Variants in CERS3 observed in about 807,000 individuals in gnomAD.
CERS3 encodes the protein ceramide synthase 3.
In CERS3, 33 loss-of-function variants were observed where a neutral mutation model predicts 50.3. That is an observed-to-expected ratio of 0.66 (90% CI 0.50 to 0.88). The LOEUF (loss-of-function observed/expected upper bound fraction) is 0.88, where lower values mean the gene tolerates loss of function less well. Ranked by LOEUF, CERS3 falls within the 40% of genes least tolerant of loss-of-function variation. The probability of loss-of-function intolerance (pLI) is 0.00; values close to 1 mark genes in which losing one functional copy is unlikely to be tolerated. For missense variants in CERS3, 470 were observed against 460.3 expected (o/e 1.02, Z -0.19); for synonymous variants, 176 against 155.2 (o/e 1.13, Z -0.99).
intron 9 of CERS3, among the ~76,000 whole-genome samples, chr15:100,470,664 A>G (rs1186948071): frequency 1.3e-5 from 2 of 152,186 alleles, no homozygotes; most frequent in East Asian, 3.8e-4. Context: ...CATACACAGA[A>G]CATATTCTGG....
intron 5 of CERS3, among the ~76,000 whole-genome samples, chr15:100,480,469 A>C (rs1195783801): frequency 1.3e-5 from 2 of 152,188 alleles, no homozygotes; most frequent in Non-Finnish European, 2.9e-5. Flanking sequence ...TTTAATTCCC[A>C]GTTAAAAGGT....
chr15:100,472,820 T>C (rs1168211031), intron 9 of CERS3, 104 bp downstream of exon 9: 1 of 1,393,204 alleles, frequency 7.2e-7, no homozygotes, highest in African/African-American at 1.4e-5. Flanking sequence ...TTGGGTGTTT[T>C]CAGGACACAG....
At chr15:100,541,578 C>T (rs1171798171) in intron 1 of CERS3, among the ~76,000 whole-genome samples, 1 of 152,004 alleles carries the variant, frequency 6.6e-6, no homozygotes, top group Non-Finnish European at 1.5e-5. Flanking sequence ...TGTACTGGAC[C>T]AGTTTTGAAT....
intron 1 of CERS3, chr15:100,544,606 C>T (rs965231168): frequency 1.3e-5 from 2 of 152,390 alleles, no homozygotes; most frequent in African/African-American, 4.8e-5. Context: ...ATGCCCTCTT[C>T]CCTCCACCTG....
intron 11 of CERS3, among the ~76,000 whole-genome samples, chr15:100,440,628 G>T (rs888917312): frequency 6.6e-6 from 1 of 151,960 alleles, no homozygotes; most frequent in Admixed American, 6.6e-5. Flanking sequence ...TGTGACTGGA[G>T]GGGGGGAACC....
chr15:100,486,305 G>A (rs939978631), intron 4 of CERS3, among the ~76,000 whole-genome samples: 2 of 152,268 alleles, frequency 1.3e-5, no homozygotes, highest in African/African-American at 2.4e-5. Context: ...CAAAGCAATC[G>A]GATATGGTAG....
At chr15:100,445,986 G>C (rs147650097) in intron 11 of CERS3, among the ~76,000 whole-genome samples, 19,432 of 152,006 alleles carry the variant, frequency 0.13, 1,407 homozygotes, top group Admixed American at 0.22. Flanking sequence ...TGGCTCAAAA[G>C]CTCCCCTGCT....
intron 11 of CERS3, among the ~76,000 whole-genome samples, chr15:100,413,236 C>T (rs2031623368): frequency 6.6e-6 from 1 of 152,090 alleles, no homozygotes; most frequent in South Asian, 2.1e-4. Flanking sequence ...ACAACTCTAA[C>T]CAGGCAAAGA....
intron 2 of CERS3, among the ~76,000 whole-genome samples, chr15:100,516,048 A>T (rs1463187332): frequency 6.6e-6 from 1 of 152,156 alleles, no homozygotes; most frequent in Non-Finnish European, 1.5e-5. Context: ...CAAAGGGCCT[A>T]AGGTTAGTCA....
intron 11 of CERS3, among the ~76,000 whole-genome samples, chr15:100,418,386 GA>G (rs2032133174): frequency 6.6e-6 from 1 of 150,840 alleles, no homozygotes; most frequent in African/African-American, 2.4e-5. Context: ...AGAGAAAAAA[GA>G]ATAAAAAGAA....
intron 3 of CERS3, among the ~76,000 whole-genome samples, chr15:100,491,360 A>T (rs1399137384): frequency 9.9e-5 from 15 of 152,168 alleles, no homozygotes; most frequent in Non-Finnish European, 2.9e-5. Flanking sequence ...TCTAGGGCAA[A>T]TACGTAATAA....
At chr15:100,420,178 C>T (rs373939825) in intron 11 of CERS3, among the ~76,000 whole-genome samples, 15 of 145,970 alleles carry the variant, frequency 1.0e-4, no homozygotes, top group African/African-American at 1.8e-4. Flanking sequence ...ATTGATAGAC[C>T]GCTAGCAAGA....
At chr15:100,438,392 G>A (rs2033527589) in intron 11 of CERS3, among the ~76,000 whole-genome samples, 1 of 152,048 alleles carries the variant, frequency 6.6e-6, no homozygotes, top group Admixed American at 6.5e-5. Context: ...TGGGTACCCA[G>A]TAGGTGTATA....
intron 3 of CERS3, among the ~76,000 whole-genome samples, chr15:100,495,940 C>T (rs1163091473): frequency 6.6e-6 from 1 of 152,188 alleles, no homozygotes; most frequent in South Asian, 2.1e-4. Flanking sequence ...TTTCTTCTTG[C>T]ACCTGCCCCA....
intron 1 of CERS3, among the ~76,000 whole-genome samples, chr15:100,535,289 TAA>T (rs1223199892): frequency 1.3e-5 from 2 of 152,252 alleles, no homozygotes; most frequent in Non-Finnish European, 2.9e-5. Context: ...AAGGATTGTG[TAA>T]AGTTTCCAAG....
rs113044866 is a variant in CERS3, at chr15:100,446,189, C to T, written c.999+9704G>A. Among the ~76,000 whole-genome samples the T allele has an allele frequency of 9.0e-3, 1,364 of 152,294 alleles. 26 individuals carry two copies. Among genetic ancestry groups the T allele is most frequent in the African/African-American group, 0.031 (1,290 of 41,556 alleles). ...AAGCCTGTTTGGTGGTCTCTTCACACAGACGTGCATGAAAACAACTTTTTC... is the reference window on the plus strand; with the variant it reads ...AAGCCTGTTTGGTGGTCTCTTCACATAGACGTGCATGAAAACAACTTTTTC... On this transcript the variant is annotated intron_variant, in intron 11 of 11. Transcript: ENST00000679737.
chr15:100,501,139 TTTTCTC>T (rs2035983966), intron 3 of CERS3, among the ~76,000 whole-genome samples: 1 of 152,214 alleles, frequency 6.6e-6, no homozygotes, highest in Admixed American at 6.5e-5. Flanking sequence ...AACTGATAGT[TTTTCTC>T]TTTGATTTCC....
At chr15:100,513,419 G>C (rs573908051) in intron 2 of CERS3, among the ~76,000 whole-genome samples, 1 of 152,238 alleles carries the variant, frequency 6.6e-6, no homozygotes, top group South Asian at 2.1e-4. Context: ...GGGGCGGTTG[G>C]ACCCCTGCCT....
chr15:100,514,879 G>C (rs1189372990), intron 2 of CERS3, among the ~76,000 whole-genome samples: 1 of 152,122 alleles, frequency 6.6e-6, no homozygotes, highest in Non-Finnish European at 1.5e-5. Context: ...TGTTATCACT[G>C]ATTCAACATT....
Sources: gnomAD v4.1 joint callset for allele counts (sites outside exome capture counted in the v4.1 genomes callset) on GRCh38, gnomAD v4.1.1 for gene constraint, MANE v1.5 for transcripts, NCBI Gene and HGNC (gene_info 2026-07-23, HGNC 2026-07-21) for gene names.